The following GTF3C1 variants were observed in gnomAD, a reference collection of about 807,000 sequenced individuals.
GTF3C1 encodes general transcription factor IIIC subunit 1.
GTF3C1 carries 57 observed loss-of-function variants against 226.7 expected under a neutral mutation model. The ratio of observed to expected loss-of-function variants is 0.25; its 90% CI spans 0.20 to 0.31. The LOEUF is 0.31. Among genes scored for constraint, GTF3C1 ranks in the 10% least tolerant of loss-of-function variants. The pLI is 1.00. For missense variants in GTF3C1, 2,217 were observed against 2,776.1 expected (o/e 0.80, Z 4.53); for synonymous variants, 1,090 against 1,084.8 (o/e 1.00, Z -0.09).
chr16:27,509,912 G>C (rs562703072), intron 7 of GTF3C1, among the ~76,000 whole-genome samples: 1 of 152,118 alleles, frequency 6.6e-6, no homozygotes, highest in East Asian at 1.9e-4. Context: ...AAGATGACTA[G>C]GATGTGTTCC....
chr16:27,503,061 C>G, intron 10 of GTF3C1, 66 bp from the exon 11 acceptor site: 2 of 1,234,666 alleles, frequency 1.6e-6, no homozygotes, highest in Non-Finnish European at 2.4e-6. Context: ...ACGCACCACA[C>G]CTGTGGGTGC....
In GTF3C1 at chr16:27,518,146, G is replaced by A. The variant is rs58976582; in HGVS notation, c.974-6245C>T. 2.4e-3 allele frequency among the ~76,000 whole-genome samples: 370 copies of A among 152,216 alleles called. 2 individuals are homozygous for A. The highest frequency in any genetic ancestry group is 8.4e-3 in the African/African-American group (350 of 41,516). On this transcript the variant is annotated intron_variant, in intron 6 of 36. Transcript: ENST00000356183. ...AGTCCTACTGGTAAGCCAGGCAGACGTCATGTAAATTCAGTGTTACCTCCC... is the reference window on the plus strand; with the variant it reads ...AGTCCTACTGGTAAGCCAGGCAGACATCATGTAAATTCAGTGTTACCTCCC...
intron 10 of GTF3C1, among the ~76,000 whole-genome samples, chr16:27,503,909 A>G (rs2088445862): frequency 6.6e-6 from 1 of 152,156 alleles, no homozygotes; most frequent in African/African-American, 2.4e-5. Flanking sequence ...TGGTGTCTGA[A>G]CGGCCAGGCC....
chr16:27,499,175 G>C (rs925034579), intron 12 of GTF3C1, among the ~76,000 whole-genome samples: 4 of 152,248 alleles, frequency 2.6e-5, no homozygotes, highest in Non-Finnish European at 5.9e-5. Context: ...CCCTTGCTGA[G>C]AGTGGCGTCA....
In GTF3C1 at chr16:27,545,297, T is replaced by G; in HGVS notation, c.431+17A>C. On this transcript the variant is annotated intron_variant, in intron 2 of 36. Transcript: ENST00000356183. ...CGGCCAGATTCCCAGGAATTTCTGA[T>G]GGTGCAAAATAGTTACCTGTCAAAG... 6.3e-7 allele frequency: 1 copy of G among 1,581,518 alleles called. No homozygotes were observed. The highest frequency in any genetic ancestry group is 8.7e-7 in the Non-Finnish European group (1 of 1,150,290).
At chr16:27,466,088 G>A (rs2087782822) in intron 32 of GTF3C1, 1 of 153,956 alleles carries the variant, frequency 6.5e-6, no homozygotes, top group South Asian at 1.9e-4. Context: ...AAACTCCAAA[G>A]TATAGAATTC....
At position 27,464,368 on chromosome 16, in the gene GTF3C1, G is replaced by C. The variant is rs200545297; in HGVS notation, c.5824C>G (p.Gln1942Glu). Residue 1942 changes from glutamine to glutamate, a missense_variant, in exon 34 of 37, where the codon CAG (glutamine) becomes GAG (glutamate). Around this residue, in one of 12 missense-constraint regions of GTF3C1, gnomAD observed 455 missense variants for 441.9 expected, o/e 1.03. Coordinates refer to ENST00000356183, the MANE Select transcript of GTF3C1 (RefSeq NM_001520.4). ...GGAGGCTGCGCCTGGCCGCTCAGCT[G>C]CTCTTGGCCTGGGGAACTGAACTCA... ...VGEFSSPGQE[Q>E]LSGQAQPPEG... is the part of the protein sequence containing the mutation. 4 of 1,568,092 alleles carry C rather than the reference G, an allele frequency of 2.6e-6. No homozygotes were observed. In the African/African-American group the frequency reaches 5.5e-5, roughly 22 times the overall value.
intron 2 of GTF3C1, among the ~76,000 whole-genome samples, chr16:27,542,567 G>GAA (rs143747018): frequency 1.3e-4 from 18 of 136,282 alleles, no homozygotes; most frequent in Non-Finnish European, 1.3e-4. Flanking sequence ...GCCTCAAAAA[G>GAA]AAAAAAAAAA....
intron 32 of GTF3C1, among the ~76,000 whole-genome samples, chr16:27,467,644 T>C (rs1473054233): frequency 6.6e-6 from 1 of 151,864 alleles, no homozygotes; most frequent in African/African-American, 2.4e-5. Context: ...CTACGGTGGG[T>C]GGATCACCTG....
At chr16:27,488,464 G>C in intron 22 of GTF3C1, 49 bp from the exon 23 acceptor site, 4 of 1,560,786 alleles carry the variant, frequency 2.6e-6, no homozygotes, top group Non-Finnish European at 3.5e-6. Context: ...TGCTGCAAAG[G>C]CCAGGAAGAC....
rs1204928507 is a variant in GTF3C1 at position 27,502,897 on chromosome 16, T to C, written c.1869A>G (p.Glu623=). ...RLLKRRNLII[E]AVTNLRLIES... is the part of the protein sequence containing the mutation. Reference sequence around the variant, plus strand: ...CGATTAAGCGAAGATTGGTGACAGCTTCTATGATCAGATTCCTGCGTTTCA... The same window carrying C: ...CGATTAAGCGAAGATTGGTGACAGCCTCTATGATCAGATTCCTGCGTTTCA... Residue 623 remains glutamate, a synonymous_variant, in exon 11 of 37, where the codon GAA becomes GAG. Transcript: ENST00000356183. 2.5e-6 allele frequency: 4 copies of C among 1,608,732 alleles called. No individual in the cohort carries two copies. In the South Asian group the frequency reaches 4.5e-5, roughly 18 times the overall value.
Position 27,462,259 on chromosome 16 carries a change from C to A in GTF3C1, c.6117+35G>T. On this transcript the variant is annotated intron_variant, in intron 36 of 36. Transcript: ENST00000356183. This position sits in a 1 kb window ranked among gnomAD's most constrained non-coding sequence, Gnocchi z 4.5. ...CGGGCCACTGAGTGCACCCAGCCGC[C>A]TCCACACCCTGCTGAACCCAGGAAG... The A allele has an allele frequency of 1.3e-6, 2 of 1,501,006 alleles. No homozygotes were observed. The highest frequency in any genetic ancestry group is 1.8e-6 in the Non-Finnish European group (2 of 1,110,610). The allele number at this position is 1,501,006 out of a possible 1,614,324, so 93.0% of individuals were successfully genotyped here.
At chr16:27,481,522 AG>A (rs1340817147) in intron 26 of GTF3C1, among the ~76,000 whole-genome samples, 1 of 151,850 alleles carries the variant, frequency 6.6e-6, no homozygotes, top group Non-Finnish European at 1.5e-5. Flanking sequence ...GCTCCCTCAC[AG>A]CCTCCCTCCT....
Position 27,538,330 on chromosome 16 carries a change from G to A in GTF3C1, c.458C>T (p.Ala153Val). Residue 153 changes from alanine to valine, a missense_variant, in exon 3 of 37, where the codon GCC (alanine) becomes GTC (valine). By Grantham distance (64) the Ala-to-Val change is moderately conservative. Transcript: ENST00000356183. ...GGCCCTGTACCGCATGGCCTGGGAG[G>A]CAACGATGATCAGTTTCTTCCCCCA... ...DRWGKKLIIV[A>V]SQAMRYRALI... 1 of 1,566,360 alleles carries A rather than the reference G, an allele frequency of 6.4e-7. No homozygotes were observed. The highest frequency in any genetic ancestry group is 8.6e-7 in the Non-Finnish European group (1 of 1,159,310).
chr16:27,496,676 T>C (rs534239163), intron 14 of GTF3C1, among the ~76,000 whole-genome samples: 169 of 152,308 alleles, frequency 1.1e-3, no homozygotes, highest in African/African-American at 4.0e-3. Flanking sequence ...AGTGTTGGGA[T>C]TACAGGCGTT....
chr16:27,489,107 C>T lies in GTF3C1; in HGVS notation c.3365G>A (p.Ser1122Asn). The T allele has an allele frequency of 6.2e-7, 1 of 1,614,100 alleles. No homozygotes were observed. The highest frequency in any genetic ancestry group is 1.1e-5 in the South Asian group (1 of 91,074). ...GTTGCGCTTGAGGTGTCCGTAGAAGCTGGAATCGAGCCCTGCGGCACCCAG... is the reference window on the plus strand; with the variant it reads ...GTTGCGCTTGAGGTGTCCGTAGAAGTTGGAATCGAGCCCTGCGGCACCCAG... ...DGLGAAGLDS[S>N]FYGHLKRNWI... The change falls in exon 21 of 37, where the codon AGC becomes AAC. Residue 1122 changes from serine (S) to asparagine (N), a missense_variant. Transcript: ENST00000356183.
At chr16:27,504,329 G>A (rs1245568548) in intron 10 of GTF3C1, among the ~76,000 whole-genome samples, 4 of 152,210 alleles carry the variant, frequency 2.6e-5, no homozygotes, top group African/African-American at 4.8e-5. Flanking sequence ...GAAGGCAGGC[G>A]GGACTCCAGG....
At chr16:27,493,657 T>A (rs1414088847) in intron 16 of GTF3C1, among the ~76,000 whole-genome samples, 1 of 152,140 alleles carries the variant, frequency 6.6e-6, no homozygotes, top group Non-Finnish European at 1.5e-5. Context: ...TCTGCTCCTA[T>A]CCTTACCCAA....
At chr16:27,533,096 C>T (rs1203844876) in intron 5 of GTF3C1, among the ~76,000 whole-genome samples, 195 bp downstream of exon 5, 8 of 152,188 alleles carry the variant, frequency 5.3e-5, no homozygotes, top group African/African-American at 1.7e-4. Context: ...CGCACCACCG[C>T]ACCCCAGCCA....
Sources: allele counts gnomAD v4.1 joint callset (sites outside exome capture counted in the v4.1 genomes callset), GRCh38; gene constraint gnomAD v4.1.1; regional missense constraint gnomAD v4.1.1; non-coding constraint Gnocchi (gnomAD v3.1); transcripts MANE v1.5; gene names NCBI Gene and HGNC (gene_info 2026-07-23, HGNC 2026-07-21).